The following ASB6 variants were observed in gnomAD, a reference collection of about 807,000 sequenced individuals.
ASB6 encodes ankyrin repeat and SOCS box containing 6, also known as ankyrin repeat and SOCS box protein 6.
A neutral mutation model predicts 28.6 loss-of-function variants in ASB6; 24 were observed. That is an observed-to-expected ratio of 0.84 (90% CI 0.61 to 1.18). The LOEUF (loss-of-function observed/expected upper bound fraction) is 1.18, where lower values mean the gene tolerates loss of function less well. ASB6 is among the 50% of genes most tolerant of loss of function. ASB6 has a pLI of 0.00. For missense variants in ASB6, 519 were observed against 559.8 expected (o/e 0.93, Z 0.74); for synonymous variants, 267 against 243.4 (o/e 1.10, Z -0.90).
Position 129,638,232 on chromosome 9 carries a change from G to A in ASB6, c.824C>T (p.Pro275Leu), listed in dbSNP as rs1418739815. Residue 275 changes from proline to leucine, a missense_variant, in exon 6 of 6, where the codon CCT becomes CTT. Physicochemically the swap from Pro to Leu is moderately conservative, Grantham distance 98. Coordinates refer to ENST00000277458, the MANE Select transcript of ASB6 (RefSeq NM_017873.4). ...ICLKSFKLHF[P>L]LLRFLLESGA... ...GGACTCCAGGAGGAAGCGCAGGAGA[G>A]GGAAGTGCAGTTTAAAGCTCTTCAG... 1.2e-6 allele frequency: 2 copies of A among 1,613,576 alleles called. No homozygotes were observed. The highest frequency in any genetic ancestry group is 2.2e-5 in the South Asian group (2 of 91,080).
At chr9:129,640,860 G>C in intron 1 of ASB6, 138 bp from the exon 2 acceptor site, 1 of 1,011,624 alleles carries the variant, frequency 9.9e-7, no homozygotes, top group Non-Finnish European at 1.5e-6. Flanking sequence ...GGGCTTGGGG[G>C]AAGCTCTGAA....
At chr9:129,640,772 C>A in intron 1 of ASB6, 50 bp from the exon 2 acceptor site, 1 of 1,605,082 alleles carries the variant, frequency 6.2e-7, no homozygotes, top group Middle Eastern at 1.7e-4. Context: ...GACCGGGTGA[C>A]CGCGCAGCCT....
At position 129,637,329 on chromosome 9, in the gene ASB6, T is replaced by A. The variant is rs1163365867; in HGVS notation, c.*461A>T. On this transcript the variant is annotated 3_prime_UTR_variant, in exon 6 of 6. Transcript: ENST00000277458. ...AGCCCACCAGAAACACTTCTGTGAG[T>A]AACAGAACCTGGAAGGAAAAGGGGC... The A allele has an allele frequency of 6.5e-6, 1 of 153,436 alleles. No homozygotes were observed. Among genetic ancestry groups the A allele is most frequent in the South Asian group, 2.1e-4 (1 of 4,846 alleles). 9.5% of individuals were successfully genotyped at this position (153,436 alleles called of 1,614,324 possible).
chr9:129,640,937 G>A, intron 1 of ASB6: 1 of 572,726 alleles, frequency 1.7e-6, no homozygotes, highest in African/African-American at 1.9e-5. Context: ...GAATGGGCTG[G>A]GTCTGTCTGC....
intron 1 of ASB6, chr9:129,641,022 TGAAGG>T: frequency 3.0e-6 from 1 of 333,802 alleles, no homozygotes; most frequent in South Asian, 3.2e-5. Context: ...CTGCTGGGAC[TGAAGG>T]GACCACCAGC....
chr9:129,640,843 G>T, intron 1 of ASB6, 121 bp from the exon 2 acceptor site: 1 of 1,190,320 alleles, frequency 8.4e-7, no homozygotes, highest in Non-Finnish European at 1.2e-6. Flanking sequence ...GGCTCTGTGG[G>T]TCACAGGGGC....
Position 129,640,671 on chromosome 9 carries a change from C to G in ASB6, c.165G>C (p.Leu55=). 2 of 1,614,216 alleles carry G rather than the reference C, an allele frequency of 1.2e-6. No homozygotes were observed. The highest frequency in any genetic ancestry group is 1.1e-5 in the South Asian group (1 of 91,088). ...EESRILVLTE[L]LERKAHSPFY... is the part of the protein sequence containing the mutation. The stretch of plus-strand genomic sequence containing the variant: ...AGGGAGAGTGGGCTTTCCTCTCCAG[C>G]AGCTCAGTGAGAACAAGGATTCGGC... Residue 55 remains leucine, a synonymous_variant, in exon 2 of 6, where the codon CTG becomes CTC. Coordinates refer to ENST00000277458, the MANE Select transcript of ASB6 (RefSeq NM_017873.4).
rs376466866 is a variant in ASB6, at chr9:129,638,233, G to C, written c.823C>G (p.Pro275Ala). 1 of 1,613,524 alleles carries C rather than the reference G, an allele frequency of 6.2e-7. No homozygotes were observed. Among genetic ancestry groups the C allele is most frequent in the Non-Finnish European group, 8.5e-7 (1 of 1,179,918 alleles). Residue 275 changes from proline to alanine, a missense_variant, in exon 6 of 6, where the codon CCT (proline) becomes GCT (alanine). Physicochemically the swap from Pro to Ala is conservative, Grantham distance 27. Coordinates refer to ENST00000277458, the MANE Select transcript of ASB6 (RefSeq NM_017873.4). ...GACTCCAGGAGGAAGCGCAGGAGAGGGAAGTGCAGTTTAAAGCTCTTCAGG... is the reference window on the plus strand; with the variant it reads ...GACTCCAGGAGGAAGCGCAGGAGAGCGAAGTGCAGTTTAAAGCTCTTCAGG... The part of the protein sequence containing the change: ...ICLKSFKLHF[P>A]LLRFLLESGA...
Position 129,635,325 on chromosome 9 carries a change from A to G in ASB6, c.*2465T>C, listed in dbSNP as rs1831479385. The G allele has an allele frequency of 1.2e-6, 2 of 1,613,856 alleles. No individual in the cohort carries two copies. The highest frequency in any genetic ancestry group is 2.2e-5 in the East Asian group (1 of 44,878). On this transcript the variant is annotated 3_prime_UTR_variant, in exon 6 of 6. Transcript: ENST00000277458. ...GCCCAGGAGGGCGTGATTCTGGACG[A>G]CGTGGACAGCAGCGTGTGCCGGGAC...
At chr9:129,640,356 A>C in intron 2 of ASB6, 185 bp downstream of exon 2, 2 of 705,988 alleles carry the variant, frequency 2.8e-6, no homozygotes, top group Non-Finnish European at 4.4e-6. Flanking sequence ...GGGAAGAGCC[A>C]TGTGAAAACC....
In ASB6 at chr9:129,642,106, G is replaced by C. The variant is rs960767533; in HGVS notation, c.-107C>G. 7.4e-7 allele frequency: 1 copy of C among 1,359,640 alleles called. No homozygotes were observed. The highest frequency in any genetic ancestry group is 1.7e-5 in the South Asian group (1 of 59,186). 84.2% of individuals were successfully genotyped at this position (1,359,640 alleles called of 1,614,324 possible). On this transcript the variant is annotated 5_prime_UTR_variant, in exon 1 of 6. Coordinates refer to ENST00000277458, the MANE Select transcript of ASB6 (RefSeq NM_017873.4). This position sits in a 1 kb window ranked among gnomAD's most constrained non-coding sequence, Gnocchi z 4.3. ...GCCGCGGACCCCACCTGCTCCGCCA[G>C]TCCAGCCCCTGCGCCCGGCCGGGTC... is the stretch of plus-strand genomic sequence containing the variant.
intron 4 of ASB6, 113 bp downstream of exon 4, chr9:129,639,089 G>A: frequency 9.3e-7 from 1 of 1,080,774 alleles, no homozygotes; most frequent in Non-Finnish European, 1.3e-6. Flanking sequence ...TGTGCCACCA[G>A]CCAGGGCCAG....
Position 129,637,709 on chromosome 9 carries a change from C to G in ASB6, c.*81G>C. On this transcript the variant is annotated 3_prime_UTR_variant, in exon 6 of 6. Coordinates refer to ENST00000277458, the MANE Select transcript of ASB6 (RefSeq NM_017873.4). ...GTCTCATCTCCCAGATCAAAAAGACCCTCTTCTAATGCTGTCCCAGCATCT... is the reference window on the plus strand; with the variant it reads ...GTCTCATCTCCCAGATCAAAAAGACGCTCTTCTAATGCTGTCCCAGCATCT... 7.4e-7 allele frequency: 1 copy of G among 1,347,820 alleles called. No homozygotes were observed. Among genetic ancestry groups the G allele is most frequent in the East Asian group, 2.4e-5 (1 of 41,032 alleles). The allele number at this position is 1,347,820 out of a possible 1,614,324, so 83.5% of individuals were successfully genotyped here.
Position 129,637,133 on chromosome 9 carries a change from A to T in ASB6, c.*657T>A, listed in dbSNP as rs1329809309. On this transcript the variant is annotated 3_prime_UTR_variant, in exon 6 of 6. Coordinates refer to ENST00000277458, the MANE Select transcript of ASB6 (RefSeq NM_017873.4). Reference sequence around the variant, plus strand: ...TCATGATTGCTTTTTAGCAGAAGTCATGGTCGCTGAGGCCCTGGGTTTGGC... The same window carrying T: ...TCATGATTGCTTTTTAGCAGAAGTCTTGGTCGCTGAGGCCCTGGGTTTGGC... 2.0e-4 allele frequency: 31 copies of T among 152,214 alleles called. 1 individual carries two copies. Among genetic ancestry groups the T allele is most frequent in the Admixed American group, 2.0e-3 (31 of 15,270 alleles). The allele number at this position is 152,214 out of a possible 1,614,324, so 9.4% of individuals were successfully genotyped here. A position where few individuals can be genotyped will look rare whatever the true frequency, so the allele number is the denominator to read the frequency against.
rs200288317 is a variant in ASB6, at chr9:129,638,535, G to A, written c.598+38C>T. On this transcript the variant is annotated intron_variant, in intron 5 of 5. Coordinates refer to ENST00000277458, the MANE Select transcript of ASB6 (RefSeq NM_017873.4). ...AAGCAACAGCACACATCGAAGGGGC[G>A]GGTGAGAGGACGAGGCCTAGGAGCG... The A allele has an allele frequency of 2.1e-5, 34 of 1,611,698 alleles. No individual in the cohort carries two copies. The African/African-American group carries it at 2.5e-4, about 12-fold the overall frequency.
rs200575732 is a variant in ASB6, at chr9:129,641,978, G to T, written c.22C>A (p.Arg8=). The change falls in exon 1 of 6, where the codon CGG becomes AGG. Residue 8 remains arginine, a synonymous_variant. Coordinates refer to ENST00000277458, the MANE Select transcript of ASB6 (RefSeq NM_017873.4). ...GGCTGGTACTCGAAGATGATCCTCC[G>T]GAAGCCGTGCAGGAACGGCATCGCC... MPFLHGF[R]RIIFEYQPLV... 2.6e-4 allele frequency: 415 copies of T among 1,601,970 alleles called. 5 individuals are homozygous for T. In the East Asian group the frequency reaches 8.6e-3, roughly 33 times the overall value.
In ASB6 at chr9:129,634,707, G is replaced by A. The variant is rs1831414979; in HGVS notation, c.*3083C>T. 4.4e-6 allele frequency: 1 copy of A among 228,390 alleles called. No individual in the cohort carries two copies. Among genetic ancestry groups the A allele is most frequent in the Non-Finnish European group, 8.6e-6 (1 of 115,884 alleles). The allele number at this position is 228,390 out of a possible 1,614,324, so 14.1% of individuals were successfully genotyped here. On this transcript the variant is annotated 3_prime_UTR_variant, in exon 6 of 6. Coordinates refer to ENST00000277458, the MANE Select transcript of ASB6 (RefSeq NM_017873.4). ...CAGCACACCTCGAGCGCTGTGCCCTGGGCTGCTGACGTGGCGGCAGGCCGC... is the reference window on the plus strand; with the variant it reads ...CAGCACACCTCGAGCGCTGTGCCCTAGGCTGCTGACGTGGCGGCAGGCCGC...
chr9:129,635,514 C>T lies in ASB6; in HGVS notation c.*2276G>A. 6.4e-7 allele frequency: 1 copy of T among 1,570,940 alleles called. No individual in the cohort carries two copies. The highest frequency in any genetic ancestry group is 8.6e-7 in the Non-Finnish European group (1 of 1,157,258). On this transcript the variant is annotated 3_prime_UTR_variant, in exon 6 of 6. Transcript: ENST00000277458. ...GGAACCACAGTCCTGGTGGGGGGAG[C>T]TGGCAGCTGGGCAAGATCCAGGCGC...
In ASB6 at chr9:129,641,931, G is replaced by C; in HGVS notation, c.69C>G (p.Gly23=). The change falls in exon 1 of 6, where the codon GGC becomes GGG. Residue 23 remains glycine (G), a synonymous_variant. Coordinates refer to ENST00000277458, the MANE Select transcript of ASB6 (RefSeq NM_017873.4). ...GCTCGGGGTCCTGGATCCCCAGGGAGCCCAGAATCGCATCCACCAGCGGCT... is the reference window on the plus strand; with the variant it reads ...GCTCGGGGTCCTGGATCCCCAGGGACCCCAGAATCGCATCCACCAGCGGCT... The part of the protein sequence containing the change: ...EYQPLVDAIL[G]SLGIQDPERQ... The C allele has an allele frequency of 6.2e-7, 1 of 1,602,424 alleles. No individual in the cohort carries two copies. Among genetic ancestry groups the C allele is most frequent in the Non-Finnish European group, 8.5e-7 (1 of 1,175,646 alleles).
Sources: allele counts gnomAD v4.1 joint callset, GRCh38; gene constraint gnomAD v4.1.1; non-coding constraint Gnocchi (gnomAD v3.1); transcripts MANE v1.5; gene names NCBI Gene and HGNC (gene_info 2026-07-23, HGNC 2026-07-21).